The following PPP2R2B variants were observed in gnomAD, a reference collection of about 807,000 sequenced individuals.
The protein encoded by PPP2R2B is protein phosphatase 2 regulatory subunit Bbeta.
PPP2R2B carries 5 observed loss-of-function variants against 46.0 expected under a neutral mutation model. The observed-to-expected ratio is 0.11, with a 90% CI of 0.06 to 0.23. The LOEUF (loss-of-function observed/expected upper bound fraction) is 0.23, where lower values mean the gene tolerates loss of function less well. Among genes scored for constraint, PPP2R2B ranks in the 10% least tolerant of loss-of-function variants. PPP2R2B has a pLI of 1.00. For synonymous variants in PPP2R2B, 215 were observed against 206.7 expected, an observed-to-expected ratio of 1.04 and a Z score of -0.34; for missense variants, 367 against 575.0, an observed-to-expected ratio of 0.64 and a Z score of 3.70.
At chr5:146,681,784 A>T (rs535653206) in intron 5 of PPP2R2B, among the ~76,000 whole-genome samples, 59 of 152,334 alleles carry the variant, frequency 3.9e-4, no homozygotes, top group Admixed American at 4.6e-4. Context: ...ACATCTCTGA[A>T]ATTCAGACCA....
chr5:146,890,642 A>C lies in PPP2R2B; in HGVS notation c.79+165023T>G, dbSNP rs181787111. On this transcript the variant is annotated intron_variant, in intron 1 of 8. Transcript: ENST00000336640. The stretch of plus-strand genomic sequence containing the variant: ...TTGTAAGCAAGGTTGTATATATTTT[A>C]AAACTCAATAAATATTTAAGGAATA... Among the ~76,000 whole-genome samples the C allele has an allele frequency of 1.6e-3, 247 of 152,364 alleles. 3 individuals carry two copies. The highest frequency in any genetic ancestry group is 5.3e-3 in the African/African-American group (221 of 41,592).
At chr5:146,853,350 C>T (rs1261855513) in intron 2 of PPP2R2B, among the ~76,000 whole-genome samples, 1 of 152,078 alleles carries the variant, frequency 6.6e-6, no homozygotes, top group African/African-American at 2.4e-5. Context: ...TTTAAAAAGT[C>T]CTTTTAATCC....
intron 1 of PPP2R2B, among the ~76,000 whole-genome samples, chr5:146,983,708 A>G (rs1412319170): frequency 6.6e-6 from 1 of 152,086 alleles, no homozygotes; most frequent in Non-Finnish European, 1.5e-5. Flanking sequence ...TTTTGCTTCA[A>G]TTGTTAAATA....
At chr5:147,004,781 T>A (rs1401310614) in intron 1 of PPP2R2B, among the ~76,000 whole-genome samples, 1 of 152,116 alleles carries the variant, frequency 6.6e-6, no homozygotes, top group Non-Finnish European at 1.5e-5. Flanking sequence ...ATGAAACTTT[T>A]CTTTATACAT....
chr5:146,812,815 A>ATATATATATATATATATG (rs1757697670), intron 2 of PPP2R2B, among the ~76,000 whole-genome samples: 5 of 35,632 alleles, frequency 1.4e-4, no homozygotes, highest in Non-Finnish European at 2.5e-4. Flanking sequence ...ATATATATAT[A>ATATATATATATATATATG]TATATATATA....
At chr5:146,866,084 A>G (rs1761295507) in intron 2 of PPP2R2B, among the ~76,000 whole-genome samples, 1 of 152,306 alleles carries the variant, frequency 6.6e-6, no homozygotes. Context: ...ACATACTACA[A>G]TGGAAGAATT....
At chr5:146,767,921 T>G (rs983255544) in intron 2 of PPP2R2B, among the ~76,000 whole-genome samples, 10 of 152,208 alleles carry the variant, frequency 6.6e-5, no homozygotes, top group Non-Finnish European at 7.3e-5. Context: ...CCCTGGCAAC[T>G]GCTGATCTTT....
At chr5:146,997,916 T>G (rs949980013) in intron 1 of PPP2R2B, among the ~76,000 whole-genome samples, 1 of 152,186 alleles carries the variant, frequency 6.6e-6, no homozygotes, top group African/African-American at 2.4e-5. Flanking sequence ...ACTCTTTCTC[T>G]TTTTGAAAGC....
chr5:147,032,871 C>G (rs1755857997), intron 1 of PPP2R2B, among the ~76,000 whole-genome samples: 1 of 152,202 alleles, frequency 6.6e-6, no homozygotes, highest in East Asian at 1.9e-4. Flanking sequence ...TGGGTAGATA[C>G]CCAGTTGTGG....
At chr5:146,839,027 C>T (rs948859599) in intron 2 of PPP2R2B, among the ~76,000 whole-genome samples, 2 of 152,182 alleles carry the variant, frequency 1.3e-5, no homozygotes, top group African/African-American at 2.4e-5. Context: ...CTAGAAAATT[C>T]GTCCACATAC....
In PPP2R2B at chr5:146,876,245, GAAC is replaced by G. The variant is rs533885843; in HGVS notation, c.70+1754_70+1756del. Among the ~76,000 whole-genome samples the G allele has an allele frequency of 5.5e-3, 832 of 152,148 alleles. 2 individuals carry two copies. The highest frequency in any genetic ancestry group is 0.017 in the Middle Eastern group (5 of 294). ...GTTTTCAAAAATGGAATAAAAATAA[GAAC>G]AACGGTAATATCCAGGGCCCTGAAA... On this transcript the variant is annotated intron_variant, in intron 2 of 9. Coordinates refer to ENST00000394411, the MANE Select transcript of PPP2R2B (RefSeq NM_181675.4).
At chr5:146,625,066 C>T (rs138917345) in intron 7 of PPP2R2B, among the ~76,000 whole-genome samples, 1 of 152,342 alleles carries the variant, frequency 6.6e-6, no homozygotes, top group African/African-American at 2.4e-5. Context: ...ACATGTGAAG[C>T]AACAATAAAC....
chr5:146,675,259 C>A (rs1379047520), intron 5 of PPP2R2B, among the ~76,000 whole-genome samples: 1 of 152,094 alleles, frequency 6.6e-6, no homozygotes, highest in Non-Finnish European at 1.5e-5. Context: ...TGCACCCCGC[C>A]GATACTTGGT....
intron 5 of PPP2R2B, among the ~76,000 whole-genome samples, chr5:146,684,137 C>A (rs1778347247): frequency 6.6e-6 from 1 of 152,034 alleles, no homozygotes; most frequent in African/African-American, 2.4e-5. Flanking sequence ...TTGTTATATG[C>A]AACAAATGTA....
chr5:146,856,848 C>T (rs1278606891), intron 2 of PPP2R2B, among the ~76,000 whole-genome samples: 1 of 152,116 alleles, frequency 6.6e-6, no homozygotes, highest in Non-Finnish European at 1.5e-5. Context: ...AAGTGTTGCT[C>T]CTGATCATCA....
chr5:146,895,274 AT>A (rs1762609657), intron 1 of PPP2R2B, among the ~76,000 whole-genome samples: 1 of 152,192 alleles, frequency 6.6e-6, no homozygotes, highest in Admixed American at 6.5e-5. Context: ...AGAGGAAAGA[AT>A]TCTTGCTGAT....
intron 1 of PPP2R2B, among the ~76,000 whole-genome samples, chr5:146,967,932 T>G (rs13182712): frequency 0.51 from 77,823 of 151,992 alleles, 21,785 homozygotes; most frequent in Non-Finnish European, 0.64. Flanking sequence ...AATTTTCCCT[T>G]CAAGGTCTGG....
At chr5:147,077,043 G>A (rs1757788972) in intron 2 of PPP2R2B, among the ~76,000 whole-genome samples, 1 of 132,466 alleles carries the variant, frequency 7.5e-6, no homozygotes, top group Non-Finnish European at 1.6e-5. Flanking sequence ...TATTGGTAAT[G>A]GCCTGATATA....
intron 6 of PPP2R2B, among the ~76,000 whole-genome samples, chr5:146,649,479 C>T (rs1775806126): frequency 6.6e-6 from 1 of 151,746 alleles, no homozygotes; most frequent in African/African-American, 2.4e-5. Context: ...GAGTCTGGCT[C>T]TGTCACCCAG....
Sources: gnomAD v4.1 joint callset for allele counts (sites outside exome capture counted in the v4.1 genomes callset) on GRCh38, gnomAD v4.1.1 for gene constraint, MANE v1.5 for transcripts, NCBI Gene and HGNC (gene_info 2026-07-23, HGNC 2026-07-21) for gene names.